The following WAC variants were observed in gnomAD, a reference collection of about 807,000 sequenced individuals.
The protein encoded by WAC is WW domain-containing adapter protein with coiled-coil.
WAC carries 11 observed loss-of-function variants against 79.6 expected under a neutral mutation model. The ratio of observed to expected loss-of-function variants is 0.14; its 90% confidence interval spans 0.09 to 0.23. The LOEUF (loss-of-function observed/expected upper bound fraction) is 0.23, where lower values mean the gene tolerates loss of function less well. WAC is among the 10% of genes least tolerant of loss of function. WAC has a pLI of 1.00. For missense variants in WAC, 728 were observed against 773.5 expected, an observed-to-expected ratio of 0.94 and a Z score of 0.70; for synonymous variants, 304 against 276.9, an observed-to-expected ratio of 1.10 and a Z score of -0.97.
intron 6 of WAC, among the ~76,000 whole-genome samples, chr10:28,594,526 A>C (rs1261794737): frequency 6.6e-6 from 1 of 152,208 alleles, no homozygotes; most frequent in Non-Finnish European, 1.5e-5. Flanking sequence ...TTTATGTAGT[A>C]AGTCATTGTC....
intron 3 of WAC, among the ~76,000 whole-genome samples, chr10:28,583,154 T>G (rs568542873): frequency 1.3e-5 from 2 of 152,200 alleles, no homozygotes; most frequent in South Asian, 4.1e-4. Flanking sequence ...TCAAAAAGGT[T>G]GTTATATGCT....
chr10:28,553,359 T>C (rs1295084300), intron 3 of WAC, among the ~76,000 whole-genome samples: 1 of 152,256 alleles, frequency 6.6e-6, no homozygotes, highest in Non-Finnish European at 1.5e-5. Flanking sequence ...AGTATTCATT[T>C]TCTGCTTAAG....
At chr10:28,546,585 AG>A (rs1249279821) in intron 3 of WAC, among the ~76,000 whole-genome samples, 3 of 152,168 alleles carry the variant, frequency 2.0e-5, no homozygotes, top group African/African-American at 7.2e-5. Flanking sequence ...AAGAATAATG[AG>A]TTAAGTCCCA....
Position 28,535,770 on chromosome 10 carries a change from C to G in WAC, c.274+13C>G. ...GAGAGGGATGGTGGTGAGTATCTTT[C>G]TTGTTGAAACTTTGACATACAGTTT... On this transcript the variant is annotated intron_variant, in intron 3 of 13. Coordinates refer to ENST00000354911, the MANE Select transcript of WAC (RefSeq NM_016628.5). 6.3e-7 allele frequency: 1 copy of G among 1,586,228 alleles called. No individual in the cohort carries two copies. Among genetic ancestry groups the G allele is most frequent in the Non-Finnish European group, 8.6e-7 (1 of 1,164,084 alleles).
intron 3 of WAC, among the ~76,000 whole-genome samples, chr10:28,550,478 T>A (rs929582464): frequency 6.6e-6 from 1 of 152,148 alleles, no homozygotes; most frequent in African/African-American, 2.4e-5. Flanking sequence ...AGATTTGTAA[T>A]TATTTACATA....
chr10:28,600,114 A>G (rs188043458), intron 7 of WAC, among the ~76,000 whole-genome samples: 1 of 152,312 alleles, frequency 6.6e-6, no homozygotes, highest in Admixed American at 6.5e-5. Context: ...GTGATTTAGA[A>G]TTATGATTTA....
At chr10:28,553,897 C>T (rs954168643) in intron 3 of WAC, among the ~76,000 whole-genome samples, 2 of 152,092 alleles carry the variant, frequency 1.3e-5, no homozygotes, top group Non-Finnish European at 2.9e-5. Context: ...GAGGCAGAGT[C>T]TTGCTCTGTT....
intron 3 of WAC, among the ~76,000 whole-genome samples, chr10:28,541,415 G>GTTTTTTTTTTTTTTTTTTTTTT (rs143772149): frequency 2.6e-5 from 1 of 37,904 alleles, no homozygotes; most frequent in African/African-American, 1.5e-4. Context: ...GTGTGTGTGT[G>GTTTTTTTTTTTTTTTTTTTTTT]TTTTGTTTTT....
chr10:28,537,320 ACT>A (rs1317295946), intron 3 of WAC, among the ~76,000 whole-genome samples: 4 of 152,086 alleles, frequency 2.6e-5, no homozygotes, highest in Admixed American at 6.5e-5. Context: ...CTGAGATGGT[ACT>A]CTCTATCAAC....
intron 3 of WAC, among the ~76,000 whole-genome samples, chr10:28,541,418 T>G (rs931097529): frequency 0.018 from 803 of 45,374 alleles, 26 homozygotes; most frequent in Middle Eastern, 0.049. Flanking sequence ...TGTGTGTGTT[T>G]TGTTTTTTTT....
At chr10:28,534,266 A>G in intron 2 of WAC, 1 of 441,042 alleles carries the variant, frequency 2.3e-6, no homozygotes, top group Admixed American at 4.2e-5. Flanking sequence ...TTTAGGAAAA[A>G]AGAATCATTT....
chr10:28,598,008 T>C (rs1225371781), intron 7 of WAC, among the ~76,000 whole-genome samples: 1 of 152,228 alleles, frequency 6.6e-6, no homozygotes, highest in South Asian at 2.1e-4. Flanking sequence ...CCTCAAGCAG[T>C]CTTCTGGCCT....
chr10:28,581,202 T>G (rs567278065), intron 3 of WAC, among the ~76,000 whole-genome samples: 1 of 147,594 alleles, frequency 6.8e-6, no homozygotes, highest in Admixed American at 6.8e-5. Context: ...ACAAACCATA[T>G]TATATACCCA....
intron 3 of WAC, among the ~76,000 whole-genome samples, chr10:28,553,119 A>G (rs1413318208): frequency 6.6e-6 from 1 of 152,124 alleles, no homozygotes; most frequent in East Asian, 1.9e-4. Flanking sequence ...TCATCAGTAT[A>G]TAGAGAAGGA....
At chr10:28,614,470 T>TGTCTTCTTTAAAAC in intron 10 of WAC, 97 bp from the exon 11 acceptor site, 3 of 114,764 alleles carry the variant, frequency 2.6e-5, no homozygotes, top group Non-Finnish European at 2.6e-5. Flanking sequence ...AGAACTTGAC[T>TGTCTTCTTTAAAAC]GCCACATTTT....
At chr10:28,604,625 G>A (rs332164) in intron 7 of WAC, among the ~76,000 whole-genome samples, 28,198 of 152,028 alleles carry the variant, frequency 0.19, 3,108 homozygotes, top group Non-Finnish European at 0.25. Context: ...TCCAGCTGAG[G>A]CAGGAGAATC....
At chr10:28,548,568 T>C (rs1335883185) in intron 3 of WAC, among the ~76,000 whole-genome samples, 3 of 152,190 alleles carry the variant, frequency 2.0e-5, no homozygotes, top group Non-Finnish European at 2.9e-5. Flanking sequence ...TTTTCATAGC[T>C]TTTTGTGATT....
At chr10:28,579,519 T>G (rs962953172) in intron 3 of WAC, among the ~76,000 whole-genome samples, 4 of 152,196 alleles carry the variant, frequency 2.6e-5, no homozygotes, top group African/African-American at 9.7e-5. Flanking sequence ...AGCCTTAGAT[T>G]CTGTATTATA....
chr10:28,586,189 T>A (rs954012023), intron 4 of WAC, among the ~76,000 whole-genome samples: 8 of 152,164 alleles, frequency 5.3e-5, no homozygotes, highest in African/African-American at 1.9e-4. Context: ...ATGTGGGTGA[T>A]TTTTTAAAAT....
Sources: gnomAD v4.1 joint callset for allele counts (sites outside exome capture counted in the v4.1 genomes callset) on GRCh38, gnomAD v4.1.1 for gene constraint, MANE v1.5 for transcripts, NCBI Gene and HGNC (gene_info 2026-07-23, HGNC 2026-07-21) for gene names.